Variants in RAI14 observed in about 807,000 individuals in gnomAD.
The protein encoded by RAI14 is retinoic acid induced 14.
In RAI14, 45 loss-of-function variants were observed where a neutral mutation model predicts 115.4. The ratio of observed to expected loss-of-function variants is 0.39; its 90% CI spans 0.31 to 0.50. The LOEUF is 0.50. RAI14 is among the 20% of genes least tolerant of loss of function. The pLI is 0.85. For synonymous variants in RAI14, 371 were observed against 415.4 expected (o/e 0.89, Z 1.30); for missense variants, 939 against 1,131.2 (o/e 0.83, Z 2.44).
Position 34,665,045 on chromosome 5 carries a change from G to GTATA in RAI14, c.-49+8576_-49+8579dup, listed in dbSNP as rs367579695. On this transcript the variant is annotated intron_variant, in intron 1 of 17. Transcript: ENST00000265109. ...TGTATATATATATGTATATATATGT[G>GTATA]TATATATATGTGTATATATATGTGT... Among the ~76,000 whole-genome samples, 2 of 14,634 alleles carry GTATA rather than the reference G, an allele frequency of 1.4e-4. 1 individual carries two copies. The highest frequency in any genetic ancestry group is 3.2e-4 in the African/African-American group (2 of 6,190). 9.6% of individuals were successfully genotyped at this position (14,634 alleles called of 152,430 possible).
At chr5:34,818,097 T>C (rs1196234608) in intron 12 of RAI14, among the ~76,000 whole-genome samples, 2 of 152,342 alleles carry the variant, frequency 1.3e-5, no homozygotes, top group East Asian at 1.9e-4. Flanking sequence ...CAAAGGTATC[T>C]CTGCTGAAAA....
At chr5:34,822,300 A>T (rs1417641973) in intron 14 of RAI14, among the ~76,000 whole-genome samples, 1 of 146,478 alleles carries the variant, frequency 6.8e-6, no homozygotes, top group Non-Finnish European at 1.5e-5. Flanking sequence ...AGTAAAGTTG[A>T]TCATTTAACA....
At chr5:34,803,667 T>A in intron 4 of RAI14, 45 bp from the exon 5 acceptor site, 1 of 1,467,306 alleles carries the variant, frequency 6.8e-7, no homozygotes, top group Non-Finnish European at 9.3e-7. Context: ...TTTTTTAAAG[T>A]GTGGCCTTTT....
chr5:34,746,100 C>G (rs10064327), intron 2 of RAI14, among the ~76,000 whole-genome samples: 22,256 of 124,796 alleles, frequency 0.18, 3,051 homozygotes, highest in African/African-American at 0.26. Flanking sequence ...CTCCCCCCCC[C>G]GCCTTTTTTT....
intron 1 of RAI14, chr5:34,658,852 G>A (rs1405499655): frequency 1.9e-4 from 29 of 151,800 alleles, no homozygotes; most frequent in Admixed American, 1.9e-3. Flanking sequence ...TAAAAACAGA[G>A]TATAGTAAGC....
At chr5:34,813,738 A>G (rs1755867381) in intron 11 of RAI14, 78 bp downstream of exon 11, 2 of 1,246,156 alleles carry the variant, frequency 1.6e-6, no homozygotes, top group East Asian at 4.8e-5. Flanking sequence ...TTAGGCCAAA[A>G]AGGAATGTTT....
chr5:34,780,169 T>G (rs1244909407), intron 3 of RAI14, among the ~76,000 whole-genome samples: 1 of 152,140 alleles, frequency 6.6e-6, no homozygotes, highest in South Asian at 2.1e-4. Flanking sequence ...TGGCTAGCCA[T>G]ATGTAGAAAG....
intron 2 of RAI14, among the ~76,000 whole-genome samples, chr5:34,714,590 C>T (rs1200348154): frequency 6.6e-6 from 1 of 152,144 alleles, no homozygotes; most frequent in Non-Finnish European, 1.5e-5. Context: ...GGAAGGGAAG[C>T]AAGAACTCTT....
intron 1 of RAI14, chr5:34,656,843 C>G (rs947296815): frequency 4.6e-5 from 7 of 152,390 alleles, no homozygotes; most frequent in African/African-American, 1.2e-4. Context: ...TGAGCAGACC[C>G]GGAGATGCAC....
At chr5:34,694,683 G>A (rs1371581825) in intron 2 of RAI14, among the ~76,000 whole-genome samples, 1 of 152,212 alleles carries the variant, frequency 6.6e-6, no homozygotes. Flanking sequence ...GGGCTGCCCA[G>A]TAGGCTGGTT....
At chr5:34,757,642 T>C in intron 3 of RAI14, 44 bp downstream of exon 3, 1 of 1,561,684 alleles carries the variant, frequency 6.4e-7, no homozygotes, top group African/African-American at 1.4e-5. Flanking sequence ...TTCTGGGTTT[T>C]TGGGGTGTTC....
intron 4 of RAI14, among the ~76,000 whole-genome samples, chr5:34,798,161 G>A (rs190420909): frequency 7.2e-4 from 109 of 152,106 alleles, no homozygotes; most frequent in African/African-American, 2.5e-3. Context: ...TCAGCCTCCT[G>A]AGTAACTCAG....
rs915228740 is a variant in RAI14, at chr5:34,743,590, C to T, written c.37-13878C>T. ...ATTGAACCCCCACAGTCACTTAGGA[C>T]TTACATGTACGTAGGGCTAGCCAAC... On this transcript the variant is annotated intron_variant, in intron 2 of 17. Transcript: ENST00000265109. Among the ~76,000 whole-genome samples the T allele has an allele frequency of 3.3e-5, 5 of 152,326 alleles. No homozygotes were observed. In the South Asian group the frequency reaches 1.0e-3, roughly 32 times the overall value.
At chr5:34,756,144 A>T (rs1028711376) in intron 2 of RAI14, among the ~76,000 whole-genome samples, 1 of 152,176 alleles carries the variant, frequency 6.6e-6, no homozygotes, top group African/African-American at 2.4e-5. Flanking sequence ...AAGGCCCTAC[A>T]TATGGGCTAG....
intron 1 of RAI14, among the ~76,000 whole-genome samples, chr5:34,674,062 G>T (rs1743803933): frequency 1.3e-5 from 2 of 152,052 alleles, no homozygotes; most frequent in African/African-American, 4.8e-5. Flanking sequence ...AAGGAAATGG[G>T]AGGCCTACCT....
At chr5:34,755,118 C>G (rs1313408493) in intron 2 of RAI14, among the ~76,000 whole-genome samples, 1 of 152,054 alleles carries the variant, frequency 6.6e-6, no homozygotes, top group Non-Finnish European at 1.5e-5. Context: ...GTAAAGTGCA[C>G]TCTGGGGGAA....
chr5:34,792,242 T>C (rs1356356236), intron 3 of RAI14, among the ~76,000 whole-genome samples: 1 of 147,482 alleles, frequency 6.8e-6, no homozygotes, highest in South Asian at 2.2e-4. Context: ...TTTCTTTTTT[T>C]TTTTTTTTTG....
intron 12 of RAI14, among the ~76,000 whole-genome samples, chr5:34,817,336 T>A (rs10073875): frequency 0.62 from 93,504 of 150,704 alleles, 29,229 homozygotes; most frequent in Admixed American, 0.67. Context: ...AAAAGACTGA[T>A]ACTACCAAGT....
At chr5:34,749,268 G>A (rs1447431214) in intron 2 of RAI14, among the ~76,000 whole-genome samples, 3 of 152,218 alleles carry the variant, frequency 2.0e-5, no homozygotes, top group African/African-American at 4.8e-5. Context: ...CAGAACAAGA[G>A]CATTCTAATT....
Sources: gnomAD v4.1 joint callset for allele counts (sites outside exome capture counted in the v4.1 genomes callset) on GRCh38, gnomAD v4.1.1 for gene constraint, MANE v1.5 for transcripts, NCBI Gene and HGNC (gene_info 2026-07-23, HGNC 2026-07-21) for gene names.